Variants in TRIM5 observed in about 807,000 individuals in gnomAD.
TRIM5 encodes the protein tripartite motif containing 5, also known as tripartite motif-containing protein 5.
In TRIM5, 31 loss-of-function variants were observed where a neutral mutation model predicts 35.6. The ratio of observed to expected loss-of-function variants is 0.87; its 90% CI spans 0.65 to 1.18. The LOEUF (loss-of-function observed/expected upper bound fraction) is 1.18, where lower values mean the gene tolerates loss of function less well. Ranked by LOEUF, TRIM5 falls within the 50% of genes most tolerant of loss-of-function variation. The pLI is 0.00. For missense variants in TRIM5, 609 were observed against 591.6 expected (o/e 1.03, Z -0.31); for synonymous variants, 243 against 215.6 (o/e 1.13, Z -1.11).
the TRIM5 span, chr11:5,608,483 A>C: frequency 6.3e-7 from 1 of 1,579,790 alleles, no homozygotes; most frequent in East Asian, 2.3e-5. Context: ...GAAGAATCAG[A>C]GTGGGGAAGA....
At position 5,665,976 on chromosome 11, in the gene TRIM5, C is replaced by T. The variant is rs776121499; in HGVS notation, c.868+5G>A. On this transcript the variant is annotated splice_donor_5th_base_variant and intron_variant, in intron 6 of 7. Transcript: ENST00000380034. ...TAACCCTGTTGTTGATCTAGCTCTC[C>T]TCACCTCTAAACACTTCTAGCATTC... The T allele has an allele frequency of 1.2e-6, 2 of 1,603,942 alleles. No individual in the cohort carries two copies. Among genetic ancestry groups the T allele is most frequent in the African/African-American group, 1.3e-5 (1 of 74,168 alleles).
chr11:5,642,989 C>G, the TRIM5 span: 1 of 1,362,368 alleles, frequency 7.3e-7, no homozygotes, highest in Non-Finnish European at 9.8e-7. Context: ...TGTTTTACCC[C>G]TCCAATTCAT....
At chr11:5,603,016 G>A in the TRIM5 span, among the ~76,000 whole-genome samples, 1 of 152,134 alleles carries the variant, frequency 6.6e-6, no homozygotes, top group Non-Finnish European at 1.5e-5. Context: ...CCTTTCCAGG[G>A]CCTCAGTTTG....
At chr11:5,644,857 G>A in the TRIM5 span, among the ~76,000 whole-genome samples, 5 of 152,120 alleles carry the variant, frequency 3.3e-5, no homozygotes, top group African/African-American at 1.2e-4. Context: ...GAGGTGATTG[G>A]ATCATGGGGG....
the TRIM5 span, among the ~76,000 whole-genome samples, chr11:5,644,977 G>C: frequency 2.0e-5 from 3 of 152,094 alleles, no homozygotes; most frequent in African/African-American, 7.2e-5. Flanking sequence ...TCTCTGTATT[G>C]TTCCCACTCT....
At chr11:5,611,804 G>C in the TRIM5 span, 51 of 158,072 alleles carry the variant, frequency 3.2e-4, no homozygotes, top group South Asian at 2.5e-3. Flanking sequence ...CCAGTGGTGA[G>C]AGTAAGCATC....
At chr11:5,609,677 C>G in the TRIM5 span, among the ~76,000 whole-genome samples, 1 of 152,130 alleles carries the variant, frequency 6.6e-6, no homozygotes, top group Non-Finnish European at 1.5e-5. Flanking sequence ...AATCCCAGCA[C>G]TTTGGGAGGC....
chr11:5,648,188 A>G, the TRIM5 span, among the ~76,000 whole-genome samples: 1 of 152,114 alleles, frequency 6.6e-6, no homozygotes, highest in African/African-American at 2.4e-5. Flanking sequence ...TTCTAGGAAG[A>G]AGAAAGAAAA....
At position 5,679,174 on chromosome 11, in the gene TRIM5, G is replaced by A. The variant is rs376480203; in HGVS notation, c.418-5C>T. 19 of 1,613,162 alleles carry A rather than the reference G, an allele frequency of 1.2e-5. No homozygotes were observed. The African/African-American group carries it at 2.4e-4, about 20-fold the overall frequency. On this transcript the variant is annotated splice_polypyrimidine_tract_variant and splice_region_variant and intron_variant, in intron 2 of 7. Transcript: ENST00000380034. ...CAGAGCTGCCTGGAGCTTCACCTGT[G>A]AGAAAGGAATCACACCATAGTCAAG...
At chr11:5,665,861 G>C (rs972223648) in intron 6 of TRIM5, 120 bp downstream of exon 6, 2 of 1,312,332 alleles carry the variant, frequency 1.5e-6, no homozygotes, top group Admixed American at 2.5e-5. Context: ...ATCAGCAGCA[G>C]ACAATATCTA....
chr11:5,633,682 C>T, the TRIM5 span: 3 of 915,474 alleles, frequency 3.3e-6, no homozygotes, highest in Non-Finnish European at 4.7e-6. Context: ...TTCTAATCAC[C>T]AGCTTCACAG....
the TRIM5 span, among the ~76,000 whole-genome samples, chr11:5,592,914 CA>C: frequency 3.3e-3 from 219 of 67,216 alleles, 1 homozygote; most frequent in African/African-American, 9.7e-3. Flanking sequence ...GAGATTGTCT[CA>C]AAAAAAAAAA....
chr11:5,684,784 CCT>C (rs1161997758), intron 1 of TRIM5, 82 bp downstream of exon 1: 1 of 152,286 alleles, frequency 6.6e-6, no homozygotes, highest in Non-Finnish European at 1.5e-5. Context: ...GCTCTGTTCC[CCT>C]CAGTCAGCTC....
intron 1 of TRIM5, among the ~76,000 whole-genome samples, chr11:5,680,983 A>T (rs7114084): frequency 5.3e-5 from 8 of 151,588 alleles, no homozygotes; most frequent in African/African-American, 1.9e-4. Context: ...ATTAATACCC[A>T]GAGCAATTGG....
the TRIM5 span, chr11:5,612,962 T>A: frequency 5.9e-5 from 9 of 152,222 alleles, no homozygotes; most frequent in Admixed American, 3.9e-4. Context: ...ACCTGTTTCA[T>A]TTTACTTTTT....
chr11:5,623,461 G>T, the TRIM5 span, among the ~76,000 whole-genome samples: 1 of 151,622 alleles, frequency 6.6e-6, no homozygotes, highest in Non-Finnish European at 1.5e-5. Flanking sequence ...TCCGCCTCCC[G>T]GGTTCAAGCA....
chr11:5,634,588 G>C, the TRIM5 span: 1 of 1,573,802 alleles, frequency 6.4e-7, no homozygotes, highest in Non-Finnish European at 8.6e-7. Context: ...ATAGGCCTTA[G>C]CCTGACAAAC....
the TRIM5 span, among the ~76,000 whole-genome samples, chr11:5,651,133 T>C: frequency 6.6e-6 from 1 of 152,244 alleles, no homozygotes; most frequent in Non-Finnish European, 1.5e-5. Flanking sequence ...CCTGTGCCTC[T>C]CTTTTGGTTG....
chr11:5,596,793 C>A, the TRIM5 span: 1 of 1,577,580 alleles, frequency 6.3e-7, no homozygotes, highest in Non-Finnish European at 8.7e-7. Flanking sequence ...CGAGTGAGCG[C>A]GCTCTGTTCC....
Sources: allele counts gnomAD v4.1 joint callset (sites outside exome capture counted in the v4.1 genomes callset), GRCh38; gene constraint gnomAD v4.1.1; transcripts MANE v1.5; gene names NCBI Gene and HGNC (gene_info 2026-07-23, HGNC 2026-07-21).